TENM3: variants seen among roughly 807,000 people sequenced by gnomAD.
TENM3 encodes teneurin-3.
In TENM3, 63 loss-of-function variants were observed where a neutral mutation model predicts 255.1. The observed-to-expected ratio is 0.25, with a 90% CI of 0.20 to 0.30. The LOEUF (loss-of-function observed/expected upper bound fraction) is 0.30, where lower values mean the gene tolerates loss of function less well. TENM3 is among the 10% of genes least tolerant of loss of function. The probability of loss-of-function intolerance (pLI) is 1.00; values close to 1 mark genes in which losing one functional copy is unlikely to be tolerated. For missense variants in TENM3, 2,929 were observed against 3,461.1 expected (o/e 0.85, Z 3.86); for synonymous variants, 1,306 against 1,322.3 (o/e 0.99, Z 0.27).
intron 1 of TENM3, among the ~76,000 whole-genome samples, chr4:182,220,378 CAAAAAA>C (rs60851113): frequency 0.25 from 19,209 of 77,358 alleles, 1,058 homozygotes; most frequent in Middle Eastern, 0.35. Context: ...CTCTGTCTCA[CAAAAAA>C]AAAAAAAAAA....
chr4:182,240,084 C>A (rs1046016040), upstream of TENM3, among the ~76,000 whole-genome samples: 2 of 152,132 alleles, frequency 1.3e-5, no homozygotes, highest in Non-Finnish European at 2.9e-5. Flanking sequence ...CTGATGACTG[C>A]AGTGGGGGAA....
At chr4:182,213,188 A>C (rs1282244950) in intron 1 of TENM3, among the ~76,000 whole-genome samples, 1 of 152,248 alleles carries the variant, frequency 6.6e-6, no homozygotes, top group African/African-American at 2.4e-5. Context: ...AACTTCTTGT[A>C]ACTTATCAAG....
chr4:181,966,330 C>T, the TENM3 span, among the ~76,000 whole-genome samples: 1 of 152,122 alleles, frequency 6.6e-6, no homozygotes, highest in African/African-American at 2.4e-5. Context: ...TGAGTCTGTC[C>T]TCTAGACATT....
At chr4:181,804,021 G>T in the TENM3 span, among the ~76,000 whole-genome samples, 2 of 150,424 alleles carry the variant, frequency 1.3e-5, no homozygotes, top group African/African-American at 4.9e-5. Flanking sequence ...AGGAGAAATA[G>T]GGAGGGAGGG....
At chr4:182,236,237 C>G (rs930060059) in intron 1 of TENM3, among the ~76,000 whole-genome samples, 2 of 152,154 alleles carry the variant, frequency 1.3e-5, no homozygotes, top group Non-Finnish European at 2.9e-5. Context: ...GAGCTTTGTG[C>G]TTTACACTGA....
chr4:182,751,596 G>A (rs1400457693), intron 19 of TENM3, among the ~76,000 whole-genome samples: 1 of 152,184 alleles, frequency 6.6e-6, no homozygotes, highest in Non-Finnish European at 1.5e-5. Context: ...GGCAAGGAAG[G>A]CAAACAGTAA....
chr4:181,473,474 C>A, the TENM3 span, among the ~76,000 whole-genome samples: 1 of 151,960 alleles, frequency 6.6e-6, no homozygotes. Flanking sequence ...CACCTGTGGT[C>A]CCAGCTACTC....
intron 3 of TENM3, among the ~76,000 whole-genome samples, chr4:182,457,815 G>A (rs1027534743): frequency 1.8e-4 from 28 of 152,064 alleles, no homozygotes; most frequent in African/African-American, 6.5e-4. Flanking sequence ...CTCCTGCCTC[G>A]GCCTCCTAAG....
chr4:181,711,611 C>T, the TENM3 span, among the ~76,000 whole-genome samples: 26 of 152,170 alleles, frequency 1.7e-4, no homozygotes, highest in African/African-American at 5.5e-4. Flanking sequence ...AATGGAAGAC[C>T]CCTACCTTGT....
At chr4:181,823,453 T>C in the TENM3 span, among the ~76,000 whole-genome samples, 6 of 152,282 alleles carry the variant, frequency 3.9e-5, no homozygotes, top group African/African-American at 1.4e-4. Flanking sequence ...AAAAGAATGG[T>C]CTTTTTGAAG....
In TENM3 at chr4:182,197,423, G is replaced by T. The variant is rs115448754; in HGVS notation, c.-76+52669G>T. Among the ~76,000 whole-genome samples, 788 of 151,974 alleles carry T rather than the reference G, an allele frequency of 5.2e-3. 12 individuals carry two copies. The highest frequency in any genetic ancestry group is 0.018 in the African/African-American group (726 of 41,406). Reference sequence around the variant, plus strand: ...CCAATTTAACAAAAGAAGTTCAGGGGTTTTTTTTCCTCTCTAGGAGTTCAT... The same window carrying T: ...CCAATTTAACAAAAGAAGTTCAGGGTTTTTTTTTCCTCTCTAGGAGTTCAT... On this transcript the variant is annotated intron_variant, in intron 1 of 2. Coordinates refer to the TENM3 transcript ENST00000512480.
chr4:182,258,571 A>G (rs1410870248), intron 1 of TENM3, among the ~76,000 whole-genome samples: 2 of 152,170 alleles, frequency 1.3e-5, no homozygotes, highest in Non-Finnish European at 1.5e-5. Context: ...CCAAGGGCTA[A>G]TTTGCAATTC....
At chr4:181,847,361 C>T in the TENM3 span, among the ~76,000 whole-genome samples, 1 of 152,114 alleles carries the variant, frequency 6.6e-6, no homozygotes, top group African/African-American at 2.4e-5. Context: ...GTGCCATAAT[C>T]ATATTAAAGG....
At chr4:181,997,903 A>C in the TENM3 span, among the ~76,000 whole-genome samples, 1 of 152,208 alleles carries the variant, frequency 6.6e-6, no homozygotes, top group African/African-American at 2.4e-5. Context: ...TTATTCAAAC[A>C]ATTAGATTTA....
the TENM3 span, among the ~76,000 whole-genome samples, chr4:181,639,841 G>A: frequency 6.6e-6 from 1 of 152,128 alleles, no homozygotes; most frequent in East Asian, 1.9e-4. Context: ...CTCGGCCAAG[G>A]AGATCCACCC....
chr4:182,025,020 A>ATT, the TENM3 span, among the ~76,000 whole-genome samples: 436 of 121,086 alleles, frequency 3.6e-3, 12 homozygotes, highest in East Asian at 9.2e-3. Flanking sequence ...ACAGGATTTC[A>ATT]TTTTTTTTTT....
At chr4:182,710,246 C>T (rs1406026583) in intron 12 of TENM3, among the ~76,000 whole-genome samples, 1 of 152,126 alleles carries the variant, frequency 6.6e-6, no homozygotes, top group African/African-American at 2.4e-5. Context: ...GTTTCGATGG[C>T]ACTTTCTTTA....
chr4:182,417,140 ATT>A (rs777171102), intron 3 of TENM3, among the ~76,000 whole-genome samples: 1 of 150,390 alleles, frequency 6.6e-6, no homozygotes, highest in African/African-American at 2.4e-5. Context: ...CGCCCAGCTA[ATT>A]TTTTTTTGTA....
intron 3 of TENM3, among the ~76,000 whole-genome samples, chr4:182,559,654 A>G (rs1333463000): frequency 1.3e-5 from 2 of 152,036 alleles, no homozygotes; most frequent in Non-Finnish European, 2.9e-5. Context: ...CGTTTGTTGT[A>G]TTCTTTTTAT....
Sources: gnomAD v4.1 joint callset for allele counts (sites outside exome capture counted in the v4.1 genomes callset) on GRCh38, gnomAD v4.1.1 for gene constraint, MANE v1.5 for transcripts, NCBI Gene and HGNC (gene_info 2026-07-23, HGNC 2026-07-21) for gene names.